The following ACSL1 variants were observed in gnomAD, a reference collection of about 807,000 sequenced individuals.
ACSL1 encodes long-chain-fatty-acid--CoA ligase 1.
Under a neutral mutation model 98.4 loss-of-function variants are expected in ACSL1, and 41 were observed. The observed-to-expected ratio is 0.42, with a 90% confidence interval of 0.32 to 0.54. The LOEUF is 0.54. Among genes scored for constraint, ACSL1 ranks in the 20% least tolerant of loss-of-function variants. The pLI is 0.13. For synonymous variants in ACSL1, 316 were observed against 322.7 expected, an observed-to-expected ratio of 0.98 and a Z score of 0.22; for missense variants, 734 against 883.1, an observed-to-expected ratio of 0.83 and a Z score of 2.14.
intron 1 of ACSL1, among the ~76,000 whole-genome samples, chr4:184,820,414 A>G (rs538186375): frequency 1.3e-5 from 2 of 152,356 alleles, no homozygotes; most frequent in Admixed American, 6.5e-5. Context: ...ACAGCTACAT[A>G]GCAAGTGATC....
chr4:184,782,185 G>A (rs547367455), intron 4 of ACSL1, among the ~76,000 whole-genome samples: 17 of 151,386 alleles, frequency 1.1e-4, no homozygotes, highest in African/African-American at 3.4e-4. Context: ...AGAAAAGCCT[G>A]CAATTGGATG....
chr4:184,811,038 C>T (rs867444240), intron 1 of ACSL1, among the ~76,000 whole-genome samples: 9 of 152,114 alleles, frequency 5.9e-5, no homozygotes, highest in East Asian at 3.9e-4. Context: ...CCCAGTCGTG[C>T]GTGGGTGTTC....
chr4:184,783,985 CCATTA>C lies in ACSL1; in HGVS notation c.312_316del (p.Asn104LysfsTer14), dbSNP rs1766774531. The C allele has an allele frequency of 6.2e-7, 1 of 1,612,628 alleles. No homozygotes were observed. The highest frequency in any genetic ancestry group is 1.3e-5 in the African/African-American group (1 of 74,746). ...TGGTTTCCGAGAGCCTAAACAAGGG[CCATTA>C]TCTAAAAAAAGAGAAAAAACAACAG... is the stretch of plus-strand genomic sequence containing the variant. On this transcript the variant is annotated frameshift_variant and splice_region_variant, in exon 4 of 21. Transcript: ENST00000281455. LOFTEE classifies it high-confidence loss of function.
In ACSL1 at chr4:184,756,246, T is replaced by C. The variant is rs1466267611; in HGVS notation, c.*879A>G. 1 of 152,676 alleles carries C rather than the reference T, an allele frequency of 6.5e-6. No individual in the cohort carries two copies. Among genetic ancestry groups the C allele is most frequent in the Non-Finnish European group, 1.5e-5 (1 of 68,036 alleles). The allele number at this position is 152,676 out of a possible 1,614,324, so 9.5% of individuals were successfully genotyped here. A position where few individuals can be genotyped will look rare whatever the true frequency, so the allele number is the denominator to read the frequency against. ...CACAGAGTGAGTGGTTCAGTGAAGA[T>C]AAAGTAGACAGTTATTCAGGCGTCA... On this transcript the variant is annotated 3_prime_UTR_variant, in exon 21 of 21. Transcript: ENST00000281455.
intron 1 of ACSL1, among the ~76,000 whole-genome samples, chr4:184,817,462 T>C (rs1772728202): frequency 6.6e-6 from 1 of 152,156 alleles, no homozygotes; most frequent in African/African-American, 2.4e-5. Context: ...TAATGGATGG[T>C]CTAGGCAGCC....
chr4:184,763,500 T>C (rs1239824113), intron 15 of ACSL1, among the ~76,000 whole-genome samples: 7 of 152,184 alleles, frequency 4.6e-5, no homozygotes, highest in Non-Finnish European at 8.8e-5. Context: ...TTATGAGTAA[T>C]TTGGCCTCTA....
At chr4:184,772,491 T>C (rs1403158728) in intron 10 of ACSL1, among the ~76,000 whole-genome samples, 1 of 152,236 alleles carries the variant, frequency 6.6e-6, no homozygotes, top group African/African-American at 2.4e-5. Context: ...GTTGGTGTTA[T>C]GGACTGAATC....
At chr4:184,778,901 C>T (rs1485309369) in intron 5 of ACSL1, among the ~76,000 whole-genome samples, 2 of 151,824 alleles carry the variant, frequency 1.3e-5, no homozygotes, top group African/African-American at 2.4e-5. Flanking sequence ...CTGTTTTCCC[C>T]TTGAAAGACC....
At chr4:184,798,487 T>C in intron 2 of ACSL1, 1 of 179,226 alleles carries the variant, frequency 5.6e-6, no homozygotes, top group Non-Finnish European at 1.2e-5. Flanking sequence ...ACATATTCTC[T>C]CTGGAGGGTC....
chr4:184,816,661 TC>T (rs1772663283), intron 1 of ACSL1, among the ~76,000 whole-genome samples: 1 of 152,144 alleles, frequency 6.6e-6, no homozygotes, highest in African/African-American at 2.4e-5. Flanking sequence ...TACCCGTGAC[TC>T]CAACTTCAGC....
At chr4:184,790,823 T>C (rs1448540024) in intron 2 of ACSL1, among the ~76,000 whole-genome samples, 1 of 151,522 alleles carries the variant, frequency 6.6e-6, no homozygotes, top group Non-Finnish European at 1.5e-5. Context: ...AAGTCCTCCA[T>C]CACCTCAGTC....
intron 1 of ACSL1, among the ~76,000 whole-genome samples, chr4:184,811,359 G>A (rs113657652): frequency 7.4e-4 from 112 of 152,122 alleles, no homozygotes; most frequent in East Asian, 1.4e-3. Context: ...TGATCTGCCC[G>A]CCTTGGCCTC....
At chr4:184,786,128 C>A (rs566345930) in intron 3 of ACSL1, among the ~76,000 whole-genome samples, 5 of 152,280 alleles carry the variant, frequency 3.3e-5, no homozygotes, top group Non-Finnish European at 7.3e-5. Flanking sequence ...CCGCCCACGA[C>A]CCTTAACTGG....
In ACSL1 at chr4:184,773,849, C is replaced by T; in HGVS notation, c.783G>A (p.Lys261=). The change falls in exon 8 of 21, where the codon AAG becomes AAA. Residue 261 remains lysine (K), a synonymous_variant. Transcript: ENST00000281455. This position sits in a 1 kb window ranked among gnomAD's most constrained non-coding sequence, Gnocchi z 4.3. ...MEDLGRANRR[K]PKPPAPEDLA... is the part of the protein sequence containing the mutation. ...TCTGACACGGTGTGCTTACCTTGGG[C>T]TTCCGTCTGTTGGCTCTTCCCAGGT... 3 of 1,613,892 alleles carry T rather than the reference C, an allele frequency of 1.9e-6. No individual in the cohort carries two copies. The highest frequency in any genetic ancestry group is 2.5e-6 in the Non-Finnish European group (3 of 1,179,846).
Position 184,809,130 on chromosome 4 carries a change from A to G in ACSL1, c.-32-5584T>C, listed in dbSNP as rs189250435. Among the ~76,000 whole-genome samples, 6 of 152,372 alleles carry G rather than the reference A, an allele frequency of 3.9e-5. No homozygotes were observed. The East Asian group carries it at 1.2e-3, about 29-fold the overall frequency. ...TGAATTTCCTAAGGATGTAAAAAGA[A>G]GAAACAAAGCAGATGCCCTGATTTT... On this transcript the variant is annotated intron_variant, in intron 1 of 20. Transcript: ENST00000281455.
chr4:184,758,058 C>T (rs369694593), intron 18 of ACSL1, 138 bp from the exon 19 acceptor site: 2 of 775,738 alleles, frequency 2.6e-6, no homozygotes, highest in East Asian at 2.7e-5. Flanking sequence ...ATACTACCCC[C>T]CTCCCCCAGG....
chr4:184,788,594 C>T (rs994909490), intron 3 of ACSL1, 23 bp downstream of exon 3: 24 of 1,585,348 alleles, frequency 1.5e-5, no homozygotes, highest in African/African-American at 6.7e-5. Context: ...GCGGGAGCCA[C>T]GCAAATGCAG....
chr4:184,780,063 G>C (rs1157314833), intron 5 of ACSL1, among the ~76,000 whole-genome samples: 3 of 151,998 alleles, frequency 2.0e-5, no homozygotes, highest in African/African-American at 7.2e-5. Context: ...GTAGAGATGG[G>C]GTTTCTCCAT....
chr4:184,758,698 A>G (rs1480438652), intron 18 of ACSL1: 2 of 152,234 alleles, frequency 1.3e-5, no homozygotes, highest in Admixed American at 6.5e-5. Context: ...TGCAATCTCA[A>G]AGAAAAATAA....
Sources: allele counts gnomAD v4.1 joint callset (sites outside exome capture counted in the v4.1 genomes callset), GRCh38; gene constraint gnomAD v4.1.1; non-coding constraint Gnocchi (gnomAD v3.1); transcripts MANE v1.5; gene names NCBI Gene and HGNC (gene_info 2026-07-23, HGNC 2026-07-21).